Variants in MTA3 observed in about 807,000 individuals in gnomAD.
The protein encoded by MTA3 is metastasis associated 1 family member 3, also known as metastasis-associated protein MTA3.
In MTA3, 34 loss-of-function variants were observed where a neutral mutation model predicts 83.5. That is an observed-to-expected ratio of 0.41 (90% CI 0.31 to 0.54). The LOEUF (loss-of-function observed/expected upper bound fraction) is 0.54. MTA3 is among the 20% of genes least tolerant of loss of function. The pLI, the probability that MTA3 is intolerant of heterozygous loss-of-function variation, is 0.33. For missense variants in MTA3, 761 were observed against 726.4 expected (o/e 1.05, Z -0.55); for synonymous variants, 303 against 252.7 (o/e 1.20, Z -1.89).
At chr2:42,714,183 T>C (rs759148578) in intron 14 of MTA3, among the ~76,000 whole-genome samples, 22 of 152,238 alleles carry the variant, frequency 1.4e-4, no homozygotes, top group Non-Finnish European at 2.9e-5. Context: ...GAAAACCATT[T>C]ATCTCCTTTT....
At chr2:42,506,757 A>AC (rs1451079912) in intron 2 of MTA3, among the ~76,000 whole-genome samples, 1 of 151,888 alleles carries the variant, frequency 6.6e-6, no homozygotes, top group Non-Finnish European at 1.5e-5. Context: ...ACAGGCACAG[A>AC]CCACCACACC....
chr2:42,721,173 A>G (rs995111405), intron 15 of MTA3, among the ~76,000 whole-genome samples: 1 of 151,928 alleles, frequency 6.6e-6, no homozygotes, highest in Non-Finnish European at 1.5e-5. Context: ...TTTGGGGAAC[A>G]CCAAGATGGG....
At chr2:42,638,032 C>T (rs1276111559) in intron 4 of MTA3, among the ~76,000 whole-genome samples, 1 of 151,934 alleles carries the variant, frequency 6.6e-6, no homozygotes, top group Non-Finnish European at 1.5e-5. Context: ...ATCACTGTTT[C>T]AGTTGACTAG....
chr2:42,610,968 ATTTCT>A (rs1165431877), intron 4 of MTA3, among the ~76,000 whole-genome samples: 23 of 139,926 alleles, frequency 1.6e-4, no homozygotes, highest in Admixed American at 1.4e-3. Flanking sequence ...AAAATGCATT[ATTTCT>A]TTTCTTTTCT....
chr2:42,584,383 C>G (rs1680021876), intron 3 of MTA3, among the ~76,000 whole-genome samples: 1 of 152,184 alleles, frequency 6.6e-6, no homozygotes, highest in Non-Finnish European at 1.5e-5. Flanking sequence ...TAACATCTTT[C>G]AAACTTAAAG....
intron 16 of MTA3, among the ~76,000 whole-genome samples, chr2:42,729,348 G>A (rs916167747): frequency 1.3e-5 from 2 of 151,978 alleles, no homozygotes; most frequent in Non-Finnish European, 2.9e-5. Context: ...TGATCCACCT[G>A]CCTCGGTCTC....
At chr2:42,695,211 G>A (rs1693272755) in intron 9 of MTA3, among the ~76,000 whole-genome samples, 1 of 152,222 alleles carries the variant, frequency 6.6e-6, no homozygotes, top group African/African-American at 2.4e-5. Flanking sequence ...AATGGAATGT[G>A]TTGTATTCAC....
At chr2:42,624,800 T>C (rs2104215974) in intron 4 of MTA3, among the ~76,000 whole-genome samples, 1 of 152,320 alleles carries the variant, frequency 6.6e-6, no homozygotes, top group African/African-American at 2.4e-5. Flanking sequence ...GGGTTGAAAA[T>C]GATTTTTCCT....
chr2:42,696,271 A>G (rs141504629), intron 10 of MTA3, among the ~76,000 whole-genome samples: 2 of 152,322 alleles, frequency 1.3e-5, no homozygotes, highest in Non-Finnish European at 2.9e-5. Context: ...TTGTGTGGCT[A>G]TACCCCCGAA....
chr2:42,538,758 G>GT (rs148683210), intron 2 of MTA3, among the ~76,000 whole-genome samples: 20 of 129,106 alleles, frequency 1.5e-4, no homozygotes, highest in Middle Eastern at 4.2e-3. Flanking sequence ...AGAAAAAAAT[G>GT]TTTTTTTTGT....
At chr2:42,742,768 T>G (rs1026479710) in intron 16 of MTA3, among the ~76,000 whole-genome samples, 6 of 152,224 alleles carry the variant, frequency 3.9e-5, no homozygotes, top group African/African-American at 1.4e-4. Context: ...TTCTAAGATA[T>G]CAACCATTTT....
chr2:42,570,376 G>A (rs1367248239), intron 1 of MTA3, 61 bp from the exon 2 acceptor site: 2 of 1,073,876 alleles, frequency 1.9e-6, no homozygotes, highest in Non-Finnish European at 2.7e-6. Context: ...AAAAAGTCTT[G>A]GATTGACAAA....
chr2:42,751,092 C>T (rs6717144), intron 16 of MTA3, among the ~76,000 whole-genome samples: 47,780 of 152,034 alleles, frequency 0.31, 7,895 homozygotes, highest in East Asian at 0.62. Flanking sequence ...TCTGTGGTTT[C>T]TTCTCTGATT....
chr2:42,543,096 T>G (rs1046633478), intron 2 of MTA3, among the ~76,000 whole-genome samples: 1 of 152,138 alleles, frequency 6.6e-6, no homozygotes, highest in African/African-American at 2.4e-5. Context: ...ATTCTCATGC[T>G]GATTCCATTT....
chr2:42,641,734 C>T (rs935566740), intron 5 of MTA3, among the ~76,000 whole-genome samples: 2 of 151,950 alleles, frequency 1.3e-5, no homozygotes, highest in Non-Finnish European at 2.9e-5. Flanking sequence ...GGCGTGGTGG[C>T]GCATGCCTGT....
intron 14 of MTA3, among the ~76,000 whole-genome samples, chr2:42,714,186 C>G (rs1190901709): frequency 6.6e-6 from 1 of 152,154 alleles, no homozygotes; most frequent in Non-Finnish European, 1.5e-5. Context: ...AACCATTTAT[C>G]TCCTTTTCTG....
intron 3 of MTA3, among the ~76,000 whole-genome samples, chr2:42,603,113 T>C (rs1419918966): frequency 6.6e-6 from 1 of 151,602 alleles, no homozygotes; most frequent in Non-Finnish European, 1.5e-5. Context: ...TTTACTTTTT[T>C]TTTTTTTTTT....
At chr2:42,589,713 C>T (rs558695514) in intron 3 of MTA3, among the ~76,000 whole-genome samples, 8 of 152,132 alleles carry the variant, frequency 5.3e-5, no homozygotes, top group Admixed American at 3.9e-4. Context: ...CCACCATGCC[C>T]GGCTAATTTT....
At chr2:42,592,489 C>T (rs946117793) in intron 3 of MTA3, among the ~76,000 whole-genome samples, 1 of 152,062 alleles carries the variant, frequency 6.6e-6, no homozygotes, top group Non-Finnish European at 1.5e-5. Flanking sequence ...GAGGTTTAGA[C>T]AGGAGTATTG....
Sources: gnomAD v4.1 joint callset for allele counts (sites outside exome capture counted in the v4.1 genomes callset) on GRCh38, gnomAD v4.1.1 for gene constraint, MANE v1.5 for transcripts, NCBI Gene and HGNC (gene_info 2026-07-23, HGNC 2026-07-21) for gene names.